The following ZNF721 variants were observed in gnomAD, a reference collection of about 807,000 sequenced individuals.
The protein encoded by ZNF721 is zinc finger protein 721.
In ZNF721, 2 loss-of-function variants were observed where a neutral mutation model predicts 2.4. The observed-to-expected ratio is 0.82, with a 90% confidence interval of 0.34 to 2.58. The LOEUF is 2.58. Ranked by LOEUF, ZNF721 falls within the 30% of genes most tolerant of loss-of-function variation. ZNF721 has a pLI of 0.11. For synonymous variants in ZNF721, 398 were observed against 381.8 expected, an observed-to-expected ratio of 1.04 and a Z score of -0.50; for missense variants, 1,187 against 1,085.5, an observed-to-expected ratio of 1.09 and a Z score of -1.31.
chr4:497,422 A>AG (rs34368821), intron 1 of ZNF721, among the ~76,000 whole-genome samples: 36,066 of 151,862 alleles, frequency 0.24, 4,404 homozygotes, highest in Middle Eastern at 0.32. Flanking sequence ...AGTGCTTATC[A>AG]ATGTCAATCG....
At chr4:456,611 T>C (rs1001186739) in intron 2 of ZNF721, among the ~76,000 whole-genome samples, 12 of 152,214 alleles carry the variant, frequency 7.9e-5, no homozygotes, top group Non-Finnish European at 1.8e-4. Flanking sequence ...CCAGGCACAG[T>C]GGCTTATGCC....
chr4:443,138 T>G lies in ZNF721; in HGVS notation c.1329A>C (p.Lys443Asn), dbSNP rs530823565. The G allele has an allele frequency of 6.2e-7, 1 of 1,613,838 alleles. No individual in the cohort carries two copies. The highest frequency in any genetic ancestry group is 1.3e-5 in the African/African-American group (1 of 74,986). Reference sequence around the variant, plus strand: ...TCCCACATTCTTTACATTTGTAGGGTTTATCTCCAGTATGAATTTTCTTAT... The same window carrying G: ...TCCCACATTCTTTACATTTGTAGGGGTTATCTCCAGTATGAATTTTCTTAT... ...NEYKKIHTGDKPYKCKECGKA... is the reference protein window; with the variant it reads ...NEYKKIHTGDNPYKCKECGKA... The change falls in exon 3 of 3, where the codon AAA becomes AAC. Residue 443 changes from lysine to asparagine, a missense_variant. By Grantham distance (94) the Lys-to-Asn change is moderately conservative. Coordinates refer to ENST00000511833, the MANE Select transcript of ZNF721 (RefSeq NM_133474.4).
rs61793704 is a variant in ZNF721 at position 442,278 on chromosome 4, C to A, written c.2189G>T (p.Arg730Leu). ...TREKPYKCED[R>L]GRSFGWSTNL... ...TGTGGACCATCCAAAGGATCTGCCA[C>A]GATCTTCACATTTGTAGGGTTTCTC... Residue 730 changes from arginine to leucine, a missense_variant, in exon 3 of 3, where the codon CGT (arginine) becomes CTT (leucine). By Grantham distance (102) the Arg-to-Leu change is moderately radical. Transcript: ENST00000511833. 0.069 allele frequency: 110,690 copies of A among 1,613,384 alleles called. 4,516 individuals carry two copies. Among genetic ancestry groups the A allele is most frequent in the Non-Finnish European group, 0.082 (96,383 of 1,179,528 alleles).
chr4:498,474 A>G (rs1716417441), intron 1 of ZNF721, among the ~76,000 whole-genome samples: 1 of 152,060 alleles, frequency 6.6e-6, no homozygotes, highest in Non-Finnish European at 1.5e-5. Context: ...TAGTTTAGTA[A>G]TTTTGGGGCC....
intron 2 of ZNF721, among the ~76,000 whole-genome samples, chr4:471,098 A>C (rs1553867610): frequency 6.6e-6 from 1 of 152,078 alleles, no homozygotes. Flanking sequence ...CCATTCAAAA[A>C]TGGGCAAAAG....
chr4:488,289 G>C (rs544268230), intron 1 of ZNF721, among the ~76,000 whole-genome samples: 1 of 152,286 alleles, frequency 6.6e-6, no homozygotes, highest in South Asian at 2.1e-4. Context: ...TTCCTTCTGG[G>C]AACAGAAGTG....
chr4:497,875 G>A (rs1716299711), intron 1 of ZNF721, among the ~76,000 whole-genome samples: 1 of 150,774 alleles, frequency 6.6e-6, no homozygotes, highest in South Asian at 2.1e-4. Context: ...TCCAGGCTGG[G>A]CGACAGAGCG....
At chr4:498,130 G>A (rs111887602) in intron 1 of ZNF721, among the ~76,000 whole-genome samples, 33,430 of 150,388 alleles carry the variant, frequency 0.22, 4,032 homozygotes, top group Middle Eastern at 0.32. Flanking sequence ...GCTTGAACCC[G>A]GGAGGCAGAG....
chr4:487,829 G>C (rs1553870780), intron 1 of ZNF721, among the ~76,000 whole-genome samples: 1 of 152,098 alleles, frequency 6.6e-6, no homozygotes, highest in Non-Finnish European at 1.5e-5. Flanking sequence ...CAGTTAACGT[G>C]AACTTCCTAC....
intron 1 of ZNF721, among the ~76,000 whole-genome samples, chr4:485,994 A>G (rs1553870262): frequency 6.6e-6 from 1 of 151,942 alleles, no homozygotes; most frequent in Non-Finnish European, 1.5e-5. Context: ...AAATAAATAA[A>G]TAAATAGATA....
chr4:481,798 T>C (rs1313291475), intron 1 of ZNF721, among the ~76,000 whole-genome samples: 1 of 152,208 alleles, frequency 6.6e-6, no homozygotes, highest in Non-Finnish European at 1.5e-5. Flanking sequence ...TGGCTCAGTC[T>C]CACAGACAAA....
chr4:473,962 C>G (rs1553868160), intron 1 of ZNF721: 1 of 1,506,510 alleles, frequency 6.6e-7, no homozygotes, highest in Non-Finnish European at 9.0e-7. Context: ...CCTTGGGACG[C>G]CCTGCCCCGC....
At chr4:452,951 T>C (rs1553864977) in intron 2 of ZNF721, among the ~76,000 whole-genome samples, 1 of 152,192 alleles carries the variant, frequency 6.6e-6, no homozygotes, top group Admixed American at 6.5e-5. Flanking sequence ...GGGATACTGC[T>C]TTTGCATAAG....
chr4:470,796 C>G (rs1285044946), intron 2 of ZNF721, among the ~76,000 whole-genome samples: 1 of 151,990 alleles, frequency 6.6e-6, no homozygotes, highest in African/African-American at 2.4e-5. Context: ...GCCAAGAGAT[C>G]GAGACCATCC....
In ZNF721 at chr4:441,594, A is replaced by C. The variant is rs977361272; in HGVS notation, c.*101T>G. The C allele has an allele frequency of 5.0e-6, 5 of 998,926 alleles. No individual in the cohort carries two copies. The highest frequency in any genetic ancestry group is 1.6e-5 in the African/African-American group (1 of 61,154). 61.9% of individuals were successfully genotyped at this position (998,926 alleles called of 1,614,324 possible). A position where few individuals can be genotyped will look rare whatever the true frequency, so the allele number is the denominator to read the frequency against. ...GATTAGAAAGGATTGAGGAGCATTT[A>C]AAGACCGCGACATTCGTCACCTTCG... On this transcript the variant is annotated 3_prime_UTR_variant, in exon 3 of 3. Coordinates refer to ENST00000511833, the MANE Select transcript of ZNF721 (RefSeq NM_133474.4).
chr4:453,798 C>T (rs1714750698), intron 2 of ZNF721: 2 of 152,248 alleles, frequency 1.3e-5, no homozygotes, highest in Non-Finnish European at 2.9e-5. Flanking sequence ...CACTTGCAAT[C>T]CAACCTGAAC....
intron 1 of ZNF721, among the ~76,000 whole-genome samples, chr4:493,684 C>CAAAAA (rs34692559): frequency 1.6e-5 from 2 of 123,156 alleles, no homozygotes; most frequent in African/African-American, 2.9e-5. Context: ...ATCCCCCCCG[C>CAAAAA]AAAAAAAAAA....
At chr4:483,096 G>C (rs1553869768) in intron 1 of ZNF721, among the ~76,000 whole-genome samples, 1 of 152,230 alleles carries the variant, frequency 6.6e-6, no homozygotes, top group African/African-American at 2.4e-5. Flanking sequence ...AAATAATAAA[G>C]TGGGGATGGG....
chr4:449,121 G>T (rs1203166111), intron 2 of ZNF721, among the ~76,000 whole-genome samples: 2 of 152,072 alleles, frequency 1.3e-5, no homozygotes, highest in South Asian at 2.1e-4. Context: ...TGTTAGCTTT[G>T]CAAGATAAAC....
Sources: gnomAD v4.1 joint callset for allele counts (sites outside exome capture counted in the v4.1 genomes callset) on GRCh38, gnomAD v4.1.1 for gene constraint, MANE v1.5 for transcripts, NCBI Gene and HGNC (gene_info 2026-07-23, HGNC 2026-07-21) for gene names.